STXBP6: variants seen among roughly 807,000 people sequenced by gnomAD.
STXBP6 encodes the protein syntaxin-binding protein 6.
In STXBP6, 21 loss-of-function variants were observed where a neutral mutation model predicts 26.9. That is an observed-to-expected ratio of 0.78 (90% CI 0.55 to 1.12). The LOEUF (loss-of-function observed/expected upper bound fraction) is 1.12. Ranked by LOEUF, STXBP6 falls within the 50% of genes most tolerant of loss-of-function variation. The pLI, the probability that STXBP6 is intolerant of heterozygous loss-of-function variation, is 0.00. For missense variants in STXBP6, 232 were observed against 257.9 expected, an observed-to-expected ratio of 0.90 and a Z score of 0.69; for synonymous variants, 97 against 92.6, an observed-to-expected ratio of 1.05 and a Z score of -0.27.
intron 2 of STXBP6, among the ~76,000 whole-genome samples, chr14:24,901,811 A>AAATT (rs3081321): frequency 0.62 from 93,751 of 151,638 alleles, 29,346 homozygotes; most frequent in South Asian, 0.76. Flanking sequence ...GAACAGGCAT[A>AAATT]ACTATGGTGA....
At chr14:24,935,887 A>C (rs1449216511) in intron 2 of STXBP6, among the ~76,000 whole-genome samples, 1 of 152,218 alleles carries the variant, frequency 6.6e-6, no homozygotes, top group African/African-American at 2.4e-5. Context: ...CCATGCACAG[A>C]CCAGACAGAG....
intron 1 of STXBP6, among the ~76,000 whole-genome samples, chr14:25,038,004 A>T (rs990461635): frequency 6.6e-6 from 1 of 152,184 alleles, no homozygotes; most frequent in Non-Finnish European, 1.5e-5. Context: ...AACCCCCATG[A>T]CTACAGATTT....
intron 2 of STXBP6, among the ~76,000 whole-genome samples, chr14:24,915,436 T>C (rs1240573429): frequency 6.6e-6 from 1 of 152,106 alleles, no homozygotes; most frequent in East Asian, 1.9e-4. Flanking sequence ...CTATTATGAT[T>C]ACCATTGTAG....
At chr14:24,848,210 A>G (rs1353069096) in intron 4 of STXBP6, among the ~76,000 whole-genome samples, 1 of 152,212 alleles carries the variant, frequency 6.6e-6, no homozygotes, top group Non-Finnish European at 1.5e-5. Flanking sequence ...CATTTGATTT[A>G]ACCCTTTATA....
chr14:24,899,802 A>AAAAG (rs2071142397), intron 2 of STXBP6, among the ~76,000 whole-genome samples: 4 of 83,444 alleles, frequency 4.8e-5, no homozygotes, highest in Non-Finnish European at 6.3e-5. Context: ...AAAAAAAAGC[A>AAAAG]AAAAAAAAAA....
At chr14:24,916,554 T>A (rs1414047307) in intron 2 of STXBP6, among the ~76,000 whole-genome samples, 1 of 152,140 alleles carries the variant, frequency 6.6e-6, no homozygotes, top group Non-Finnish European at 1.5e-5. Flanking sequence ...GGATGGTATC[T>A]GGAATTGGTT....
chr14:25,014,123 G>A (rs1334920678), intron 1 of STXBP6, among the ~76,000 whole-genome samples: 1 of 152,214 alleles, frequency 6.6e-6, no homozygotes, highest in Non-Finnish European at 1.5e-5. Context: ...CATTGTTGAA[G>A]CTGAGAGAGA....
At chr14:24,927,652 G>A (rs6650515) in intron 2 of STXBP6, among the ~76,000 whole-genome samples, 36,877 of 151,964 alleles carry the variant, frequency 0.24, 4,705 homozygotes, top group African/African-American at 0.33. Flanking sequence ...TTTGTGCTGC[G>A]ACAGACACAT....
At chr14:24,834,677 A>T (rs2138950466) in intron 4 of STXBP6, among the ~76,000 whole-genome samples, 1 of 152,336 alleles carries the variant, frequency 6.6e-6, no homozygotes, top group African/African-American at 2.4e-5. Context: ...ACTAGTGATT[A>T]GACCATTGTA....
intron 1 of STXBP6, among the ~76,000 whole-genome samples, chr14:24,976,852 CTTTTTTTTTTTTT>C (rs71121808): frequency 4.4e-5 from 2 of 45,276 alleles, no homozygotes; most frequent in East Asian, 7.8e-4. Context: ...ACTGGGCGCT[CTTTTTTTTTTTTT>C]TTTTTTTTTT....
chr14:24,812,020 C>G lies in STXBP6; in HGVS notation c.*689G>C, dbSNP rs1414044607. On this transcript the variant is annotated 3_prime_UTR_variant, in exon 6 of 6. Transcript: ENST00000323944. ...TCATATGATAATTCCAAGTAAACAC[C>G]CTGGATACAAGTAGCAAGAGTATTT... 1 of 151,894 alleles carries G rather than the reference C, an allele frequency of 6.6e-6. No individual in the cohort carries two copies. Among genetic ancestry groups the G allele is most frequent in the Non-Finnish European group, 1.5e-5 (1 of 68,004 alleles). 9.4% of individuals were successfully genotyped at this position (151,894 alleles called of 1,614,324 possible).
chr14:24,980,122 A>G (rs1490006615), intron 1 of STXBP6, among the ~76,000 whole-genome samples: 2 of 152,258 alleles, frequency 1.3e-5, no homozygotes, highest in Non-Finnish European at 2.9e-5. Context: ...ATGTTATTAT[A>G]TATCACTAAA....
At chr14:25,032,968 A>G (rs1595352401) in intron 1 of STXBP6, among the ~76,000 whole-genome samples, 3 of 152,178 alleles carry the variant, frequency 2.0e-5, no homozygotes, top group East Asian at 3.8e-4. Context: ...CCCCAGCCAC[A>G]CTCATTGGTA....
chr14:24,828,519 C>T (rs2068355479), intron 4 of STXBP6, among the ~76,000 whole-genome samples: 1 of 152,120 alleles, frequency 6.6e-6, no homozygotes, highest in South Asian at 2.1e-4. Context: ...TATTTATCTA[C>T]ATACCAATGT....
intron 2 of STXBP6, among the ~76,000 whole-genome samples, chr14:24,922,084 A>G (rs1487708501): frequency 2.0e-5 from 3 of 151,898 alleles, no homozygotes; most frequent in Non-Finnish European, 2.9e-5. Flanking sequence ...GTACATTCTG[A>G]CTTACTCTGT....
Position 24,855,925 on chromosome 14 carries a change from T to G in STXBP6, c.451+11A>C. The G allele has an allele frequency of 1.3e-6, 2 of 1,592,184 alleles. No homozygotes were observed. The highest frequency in any genetic ancestry group is 1.7e-6 in the Non-Finnish European group (2 of 1,171,456). On this transcript the variant is annotated intron_variant, in intron 4 of 5. Coordinates refer to ENST00000323944, the MANE Select transcript of STXBP6 (RefSeq NM_001394410.1). ...AACAGGATGACTAAAGTCACACAAA[T>G]GTCCACTCACCTCCCATAATTTTGG...
intron 3 of STXBP6, 48 bp downstream of exon 3, chr14:24,856,979 C>A: frequency 6.3e-7 from 1 of 1,595,842 alleles, no homozygotes; most frequent in South Asian, 1.1e-5. Flanking sequence ...ATCAGAGAGT[C>A]ATCTTGTGAA....
chr14:24,840,328 G>A (rs925750723), intron 4 of STXBP6, among the ~76,000 whole-genome samples: 1 of 152,194 alleles, frequency 6.6e-6, no homozygotes, highest in African/African-American at 2.4e-5. Context: ...TGTGACAGAG[G>A]CCTCTTGAGC....
intron 1 of STXBP6, among the ~76,000 whole-genome samples, chr14:24,979,729 C>T (rs529011168): frequency 6.6e-6 from 1 of 152,240 alleles, no homozygotes; most frequent in African/African-American, 2.4e-5. Context: ...ATCCCCATAA[C>T]GAACCAATCA....
Sources: allele counts gnomAD v4.1 joint callset (sites outside exome capture counted in the v4.1 genomes callset), GRCh38; gene constraint gnomAD v4.1.1; transcripts MANE v1.5; gene names NCBI Gene and HGNC (gene_info 2026-07-23, HGNC 2026-07-21).